The following TCF12 variants were observed in gnomAD, a reference collection of about 807,000 sequenced individuals.
The protein encoded by TCF12 is transcription factor 12, also known as DNA-binding protein HTF4.
Under a neutral mutation model 86.0 loss-of-function variants are expected in TCF12, and 45 were observed. The observed-to-expected ratio is 0.52, with a 90% CI of 0.41 to 0.67. The LOEUF (loss-of-function observed/expected upper bound fraction) is 0.67. TCF12 is among the 30% of genes least tolerant of loss of function. The probability of loss-of-function intolerance (pLI) is 0.00; values close to 1 mark genes in which losing one functional copy is unlikely to be tolerated. For synonymous variants in TCF12, 330 were observed against 299.6 expected (o/e 1.10, Z -1.05); for missense variants, 881 against 859.9 (o/e 1.02, Z -0.31).
At chr15:56,982,070 C>G (rs2062921947) in intron 3 of TCF12, among the ~76,000 whole-genome samples, 1 of 152,102 alleles carries the variant, frequency 6.6e-6, no homozygotes, top group Non-Finnish European at 1.5e-5. Flanking sequence ...TCAACTGCAG[C>G]TTTTCTTGAT....
intron 8 of TCF12, among the ~76,000 whole-genome samples, chr15:57,211,810 AG>A (rs755497840): frequency 6.6e-6 from 1 of 152,132 alleles, no homozygotes; most frequent in Non-Finnish European, 1.5e-5. Context: ...AAAACTTAGC[AG>A]GGTGTGGTAG....
intron 8 of TCF12, chr15:57,219,483 T>G: frequency 6.2e-7 from 1 of 1,601,498 alleles, no homozygotes; most frequent in African/African-American, 1.3e-5. Context: ...AGAGAGGCTG[T>G]GTGCATTAGC....
intron 8 of TCF12, 99 bp from the exon 9 acceptor site, chr15:57,231,053 A>G: frequency 2.5e-6 from 2 of 801,222 alleles, no homozygotes; most frequent in Non-Finnish European, 4.1e-6. Flanking sequence ...TAAAAATTAG[A>G]TAGGCCTTTT....
At chr15:56,921,450 C>T (rs1456309036) in intron 3 of TCF12, among the ~76,000 whole-genome samples, 1 of 151,960 alleles carries the variant, frequency 6.6e-6, no homozygotes, top group African/African-American at 2.4e-5. Flanking sequence ...TAGATCTACA[C>T]ACTAGTGATC....
chr15:57,238,098 T>C (rs1879878649), intron 12 of TCF12, among the ~76,000 whole-genome samples: 1 of 152,138 alleles, frequency 6.6e-6, no homozygotes, highest in Admixed American at 6.5e-5. Context: ...AGTGGAAAAA[T>C]TGGCTTTTAT....
chr15:57,204,727 A>C (rs572112628), intron 8 of TCF12, among the ~76,000 whole-genome samples: 37 of 151,808 alleles, frequency 2.4e-4, no homozygotes, highest in African/African-American at 9.0e-4. Flanking sequence ...CAAAAGAAAA[A>C]AATACTAAAT....
chr15:56,960,012 A>G (rs1351548868), intron 3 of TCF12, among the ~76,000 whole-genome samples: 2 of 152,152 alleles, frequency 1.3e-5, no homozygotes, highest in Admixed American at 6.5e-5. Context: ...TGCCTTTTTT[A>G]GTTAAAAAAC....
At chr15:57,003,971 A>G (rs1308775512) in intron 3 of TCF12, among the ~76,000 whole-genome samples, 4 of 152,112 alleles carry the variant, frequency 2.6e-5, no homozygotes, top group African/African-American at 9.7e-5. Context: ...GGCTTCTTAC[A>G]TGGTAGTGCA....
Position 57,232,716 on chromosome 15 carries a change from A to G in TCF12, c.830A>G (p.Tyr277Cys), listed in dbSNP as rs754403145. 1.2e-6 allele frequency: 2 copies of G among 1,611,314 alleles called. No homozygotes were observed. Among genetic ancestry groups the G allele is most frequent in the South Asian group, 1.1e-5 (1 of 90,848 alleles). Residue 277 changes from tyrosine to cysteine, a missense_variant, in exon 11 of 21, where the codon TAT becomes TGT. Tyr to Cys is a radical substitution (Grantham distance 194). Coordinates refer to ENST00000333725, the MANE Select transcript of TCF12 (RefSeq NM_207037.2). ...GNLHSHDRLS[Y>C]PPHSVSPTDI... ...ATCATATCTCTTTCCATCTAGAGTT[A>G]TCCTCCACACTCAGTTTCACCAACA...
intron 3 of TCF12, among the ~76,000 whole-genome samples, chr15:56,968,904 G>C (rs748872540): frequency 3.6e-4 from 55 of 152,132 alleles, no homozygotes; most frequent in Non-Finnish European, 6.8e-4. Context: ...TTGAGGTATG[G>C]GCTTCCAGGT....
chr15:56,922,584 A>G (rs762536894), intron 3 of TCF12, among the ~76,000 whole-genome samples: 1 of 152,052 alleles, frequency 6.6e-6, no homozygotes, highest in African/African-American at 2.4e-5. Flanking sequence ...TTATTTTTCT[A>G]CATTGCGAAT....
In TCF12 at chr15:57,129,505, A is replaced by T. The variant is rs191211540; in HGVS notation, c.326-36897A>T. 1.2e-3 allele frequency among the ~76,000 whole-genome samples: 179 copies of T among 152,284 alleles called. 1 individual carries two copies. Among genetic ancestry groups the T allele is most frequent in the African/African-American group, 4.1e-3 (169 of 41,554 alleles). On this transcript the variant is annotated intron_variant, in intron 5 of 20. Coordinates refer to ENST00000333725, the MANE Select transcript of TCF12 (RefSeq NM_207037.2). ...GAGGTCAAGGCTGCAGTGATCTGTG[A>T]TGCGCCACTGCATTCCAACCCTAGG...
At chr15:57,219,354 C>T (rs2058472047) in intron 8 of TCF12, 1 of 1,270,964 alleles carries the variant, frequency 7.9e-7, no homozygotes, top group Admixed American at 3.6e-5. Context: ...TAAACCCTCC[C>T]TCTGTGCTCT....
chr15:57,068,324 A>T (rs1474032958), intron 4 of TCF12, among the ~76,000 whole-genome samples: 5 of 152,202 alleles, frequency 3.3e-5, no homozygotes, highest in African/African-American at 1.2e-4. Context: ...GTATCTCAAA[A>T]TTCACCCATT....
intron 3 of TCF12, among the ~76,000 whole-genome samples, chr15:56,999,674 G>C (rs1379925106): frequency 6.6e-6 from 1 of 152,076 alleles, no homozygotes; most frequent in East Asian, 1.9e-4. Context: ...AGGAGTTCCA[G>C]ACCAGCCTGG....
chr15:57,259,643 CTTCATA>C (rs2060497270), intron 16 of TCF12, among the ~76,000 whole-genome samples: 1 of 152,140 alleles, frequency 6.6e-6, no homozygotes, highest in South Asian at 2.1e-4. Context: ...AAATGGAGCT[CTTCATA>C]ATCATTGAAA....
At chr15:57,043,077 A>G (rs1293510171) in intron 3 of TCF12, among the ~76,000 whole-genome samples, 4 of 152,062 alleles carry the variant, frequency 2.6e-5, no homozygotes, top group Non-Finnish European at 1.5e-5. Context: ...AAGTGATAGA[A>G]TTTTTTCTTT....
chr15:56,975,265 A>G (rs1226041610), intron 3 of TCF12, among the ~76,000 whole-genome samples: 1 of 152,208 alleles, frequency 6.6e-6, no homozygotes, highest in Non-Finnish European at 1.5e-5. Context: ...GGTCTTTAAA[A>G]TATTAGTAAT....
At chr15:56,964,677 TTTTG>T (rs1386436468) in intron 3 of TCF12, among the ~76,000 whole-genome samples, 3 of 152,210 alleles carry the variant, frequency 2.0e-5, no homozygotes, top group Non-Finnish European at 2.9e-5. Context: ...TTTTACACAT[TTTTG>T]TTTATGTGTT....
Sources: allele counts gnomAD v4.1 joint callset (sites outside exome capture counted in the v4.1 genomes callset), GRCh38; gene constraint gnomAD v4.1.1; transcripts MANE v1.5; gene names NCBI Gene and HGNC (gene_info 2026-07-23, HGNC 2026-07-21).